RNF11: variants seen among roughly 807,000 people sequenced by gnomAD.
RNF11 encodes ring finger protein 11.
Under a neutral mutation model 15.8 loss-of-function variants are expected in RNF11, and 4 were observed. That is an observed-to-expected ratio of 0.25 (90% CI 0.12 to 0.58). RNF11 has a LOEUF of 0.58. Among genes scored for constraint, RNF11 ranks in the 20% least tolerant of loss-of-function variants. The pLI is 0.91. For missense variants in RNF11, 139 were observed against 194.4 expected (o/e 0.71, Z 1.70); for synonymous variants, 68 against 72.3 (o/e 0.94, Z 0.30).
rs560950266 is a variant in RNF11 at position 51,250,946 on chromosome 1, GT to G, written c.123+14068del. On this transcript the variant is annotated intron_variant, in intron 1 of 2. Coordinates refer to ENST00000242719, the MANE Select transcript of RNF11 (RefSeq NM_014372.5). ...GGCCTGTCACCTTGCAAGGGACGGT[GT>G]GGGGCTTGCCAATCTTGTTCCCCCA... 330 of 1,261,784 alleles carry G rather than the reference GT, an allele frequency of 2.6e-4. No individual in the cohort carries two copies. The African/African-American group carries it at 4.3e-3, about 16-fold the overall frequency. The allele number at this position is 1,261,784 out of a possible 1,614,324, so 78.2% of individuals were successfully genotyped here.
At chr1:51,270,173 C>G in intron 2 of RNF11, 48 bp downstream of exon 2, 1 of 1,495,882 alleles carries the variant, frequency 6.7e-7, no homozygotes, top group Non-Finnish European at 9.0e-7. Context: ...TTTCAGATTG[C>G]TTTTGAAAAA....
intron 1 of RNF11, among the ~76,000 whole-genome samples, chr1:51,262,387 G>A (rs994471311): frequency 2.6e-4 from 40 of 152,296 alleles, no homozygotes; most frequent in African/African-American, 9.1e-4. Context: ...GAAGATATAG[G>A]AGCAAATGCT....
chr1:51,236,341 C>T lies in RNF11; in HGVS notation c.-416C>T, dbSNP rs895301689. ...GGCGGAGTAGGATGAGGCCCGCGGC[C>T]GTGGCTCCGGCGTCGGCGGGGGCAG... On this transcript the variant is annotated 5_prime_UTR_variant, in exon 1 of 3. Transcript: ENST00000242719. 3.9e-5 allele frequency: 6 copies of T among 154,486 alleles called. No individual in the cohort carries two copies. Among genetic ancestry groups the T allele is most frequent in the African/African-American group, 1.4e-4 (6 of 41,434 alleles). 9.6% of individuals were successfully genotyped at this position (154,486 alleles called of 1,614,324 possible).
In RNF11 at chr1:51,236,314, G is replaced by A. The variant is rs1459948249; in HGVS notation, c.-443G>A. 1 of 152,768 alleles carries A rather than the reference G, an allele frequency of 6.5e-6. No homozygotes were observed. Among genetic ancestry groups the A allele is most frequent in the African/African-American group, 2.4e-5 (1 of 41,460 alleles). The allele number at this position is 152,768 out of a possible 1,614,324, so 9.5% of individuals were successfully genotyped here. On this transcript the variant is annotated 5_prime_UTR_variant, in exon 1 of 3. Coordinates refer to ENST00000242719, the MANE Select transcript of RNF11 (RefSeq NM_014372.5). The stretch of plus-strand genomic sequence containing the variant: ...TCGTTCTGGCTGCCGCCGTCTCGCT[G>A]AGGCGGAGTAGGATGAGGCCCGCGG...
At chr1:51,252,081 C>CAAAAAAAAAAAA (rs928146865) in intron 1 of RNF11, among the ~76,000 whole-genome samples, 176 of 52,448 alleles carry the variant, frequency 3.4e-3, no homozygotes, top group East Asian at 6.4e-3. Context: ...CATCTCAAAG[C>CAAAAAAAAAAAA]AAAAAAAAAA....
Position 51,271,938 on chromosome 1 carries a change from A to G in RNF11, c.*616A>G, listed in dbSNP as rs1426906185. The G allele has an allele frequency of 1.3e-5, 2 of 152,606 alleles. No homozygotes were observed. Among genetic ancestry groups the G allele is most frequent in the Non-Finnish European group, 2.9e-5 (2 of 68,050 alleles). 9.5% of individuals were successfully genotyped at this position (152,606 alleles called of 1,614,324 possible). Reference sequence around the variant, plus strand: ...TTATTTATAACCTGTTATAAGTGCTATATTCTGTTTGCAGTTAGGAAATGC... The same window carrying G: ...TTATTTATAACCTGTTATAAGTGCTGTATTCTGTTTGCAGTTAGGAAATGC... On this transcript the variant is annotated 3_prime_UTR_variant, in exon 3 of 3. Transcript: ENST00000242719.
At chr1:51,258,881 A>G (rs995790829) in intron 1 of RNF11, among the ~76,000 whole-genome samples, 4 of 152,068 alleles carry the variant, frequency 2.6e-5, no homozygotes, top group African/African-American at 9.7e-5. Context: ...TGTAATGTGG[A>G]TGTGTTTTAT....
At chr1:51,251,314 C>A in intron 1 of RNF11, 1 of 1,516,046 alleles carries the variant, frequency 6.6e-7, no homozygotes, top group East Asian at 2.3e-5. Flanking sequence ...TCCTTATCCT[C>A]GGCCTTGCCT....
At chr1:51,261,887 C>T (rs952054336) in intron 1 of RNF11, among the ~76,000 whole-genome samples, 4 of 152,074 alleles carry the variant, frequency 2.6e-5, no homozygotes, top group African/African-American at 4.8e-5. Context: ...TTTCACGGCT[C>T]GTTGCTATGG....
intron 1 of RNF11, among the ~76,000 whole-genome samples, chr1:51,261,682 A>G (rs1476357463): frequency 4.2e-5 from 6 of 142,978 alleles, no homozygotes; most frequent in Non-Finnish European, 6.0e-5. Context: ...CCTGTCTGTG[A>G]TAAGATTTTT....
At chr1:51,269,700 G>A (rs1336733008) in intron 1 of RNF11, among the ~76,000 whole-genome samples, 3 of 152,182 alleles carry the variant, frequency 2.0e-5, no homozygotes, top group Non-Finnish European at 4.4e-5. Flanking sequence ...TGTGGAAATA[G>A]TTCATTTAAC....
At chr1:51,255,863 T>G (rs1646902035) in intron 1 of RNF11, among the ~76,000 whole-genome samples, 1 of 152,192 alleles carries the variant, frequency 6.6e-6, no homozygotes, top group African/African-American at 2.4e-5. Flanking sequence ...TACTGTAGCT[T>G]TATAAGTAAG....
chr1:51,262,236 A>G (rs1334237136), intron 1 of RNF11, among the ~76,000 whole-genome samples: 2 of 152,160 alleles, frequency 1.3e-5, no homozygotes, highest in South Asian at 2.1e-4. Context: ...CCCCAAAACA[A>G]TTTTTAACGG....
In RNF11 at chr1:51,236,762, G is replaced by A; in HGVS notation, c.6G>A (p.Gly2=). 1.9e-6 allele frequency: 3 copies of A among 1,613,334 alleles called. No homozygotes were observed. The highest frequency in any genetic ancestry group is 2.5e-6 in the Non-Finnish European group (3 of 1,179,722). The stretch of plus-strand genomic sequence containing the variant: ...ACGCACCCCAGCTCCGGAAGATGGG[G>A]AACTGCCTCAAATCCCCCACCTCGG... M[G]NCLKSPTSDD... Residue 2 remains glycine, a synonymous_variant, in exon 1 of 3, where the codon GGG becomes GGA. Coordinates refer to ENST00000242719, the MANE Select transcript of RNF11 (RefSeq NM_014372.5).
intron 1 of RNF11, among the ~76,000 whole-genome samples, chr1:51,237,272 C>T (rs1228517282): frequency 6.6e-6 from 1 of 151,872 alleles, no homozygotes; most frequent in African/African-American, 2.4e-5. Context: ...ACCACCCCCC[C>T]GCCCCATTTA....
In RNF11 at chr1:51,236,641, C is replaced by G; in HGVS notation, c.-116C>G. 1 of 1,437,732 alleles carries G rather than the reference C, an allele frequency of 7.0e-7. No homozygotes were observed. Among genetic ancestry groups the G allele is most frequent in the South Asian group, 1.3e-5 (1 of 78,378 alleles). The allele number at this position is 1,437,732 out of a possible 1,614,324, so 89.1% of individuals were successfully genotyped here. On this transcript the variant is annotated 5_prime_UTR_variant, in exon 1 of 3. Coordinates refer to ENST00000242719, the MANE Select transcript of RNF11 (RefSeq NM_014372.5). ...CGTGGGGCGGTGGAGTCGCCTCCGC[C>G]TGATCCCCGGCCTGTCGCCCGACCC...
chr1:51,271,283 A>G lies in RNF11; in HGVS notation c.426A>G (p.Pro142=), dbSNP rs201199471. 4 of 1,614,114 alleles carry G rather than the reference A, an allele frequency of 2.5e-6. No homozygotes were observed. The highest frequency in any genetic ancestry group is 2.7e-5 in the African/African-American group (2 of 75,032). The change falls in exon 3 of 3, where the codon CCA becomes CCG. Residue 142 remains proline, a synonymous_variant. Coordinates refer to ENST00000242719, the MANE Select transcript of RNF11 (RefSeq NM_014372.5). The stretch of plus-strand genomic sequence containing the variant: ...TCACGTGCCCCTCCTGCATGGAGCC[A>G]GTTGATGCAGCACTGCTTTCATCCT... The part of the protein sequence containing the change: ...RSFTCPSCME[P]VDAALLSSYE...
intron 1 of RNF11, among the ~76,000 whole-genome samples, chr1:51,255,193 A>T (rs1209856204): frequency 6.6e-6 from 1 of 152,226 alleles, no homozygotes; most frequent in Non-Finnish European, 1.5e-5. Flanking sequence ...TATATCATGC[A>T]ATGTGTACAT....
chr1:51,250,632 T>A, intron 1 of RNF11: 1 of 755,376 alleles, frequency 1.3e-6, no homozygotes, highest in Non-Finnish European at 2.3e-6. Flanking sequence ...CTGGGTCCGC[T>A]GCACGGAGAC....
Sources: gnomAD v4.1 joint callset for allele counts (sites outside exome capture counted in the v4.1 genomes callset) on GRCh38, gnomAD v4.1.1 for gene constraint, MANE v1.5 for transcripts, NCBI Gene and HGNC (gene_info 2026-07-23, HGNC 2026-07-21) for gene names.